Variants in NKD1 observed in about 807,000 individuals in gnomAD.
NKD1 encodes the protein protein naked cuticle homolog 1.
Under a neutral mutation model 56.0 loss-of-function variants are expected in NKD1, and 21 were observed. The observed-to-expected ratio is 0.38, with a 90% confidence interval of 0.27 to 0.54. The LOEUF (loss-of-function observed/expected upper bound fraction) is 0.54. Among genes scored for constraint, NKD1 ranks in the 20% least tolerant of loss-of-function variants. The pLI, the probability that NKD1 is intolerant of heterozygous loss-of-function variation, is 0.82. For missense variants in NKD1, 578 were observed against 642.7 expected, an observed-to-expected ratio of 0.90 and a Z score of 1.09; for synonymous variants, 263 against 265.7, an observed-to-expected ratio of 0.99 and a Z score of 0.10.
At chr16:50,564,142 T>A (rs904619912) in intron 3 of NKD1, among the ~76,000 whole-genome samples, 4 of 152,250 alleles carry the variant, frequency 2.6e-5, no homozygotes, top group African/African-American at 9.6e-5. Flanking sequence ...CCTTGTAACA[T>A]AGCTGTGTTC....
At chr16:50,549,877 A>C (rs910622319) in intron 3 of NKD1, among the ~76,000 whole-genome samples, 2 of 151,976 alleles carry the variant, frequency 1.3e-5, no homozygotes, top group Admixed American at 6.6e-5. Context: ...TTCTGCCACC[A>C]GCATTCAAAG....
intron 3 of NKD1, among the ~76,000 whole-genome samples, chr16:50,581,353 G>T (rs945633915): frequency 6.6e-6 from 1 of 152,162 alleles, no homozygotes; most frequent in Non-Finnish European, 1.5e-5. Flanking sequence ...TGGAGTTTTC[G>T]TATTACTCAG....
intron 3 of NKD1, chr16:50,557,837 G>A (rs1290731217): frequency 2.0e-5 from 3 of 152,272 alleles, no homozygotes; most frequent in Non-Finnish European, 4.4e-5. Context: ...TGGAGGTTGG[G>A]GAGGGTTTTT....
At chr16:50,549,618 A>G in intron 3 of NKD1, 63 bp downstream of exon 3, 2 of 1,445,084 alleles carry the variant, frequency 1.4e-6, no homozygotes, top group Non-Finnish European at 1.9e-6. Flanking sequence ...TGGGTCCCCA[A>G]ACCCATGCAC....
chr16:50,561,456 G>A lies in NKD1; in HGVS notation c.192+11901G>A, dbSNP rs998441490. Among the ~76,000 whole-genome samples, 13 of 152,046 alleles carry A rather than the reference G, an allele frequency of 8.6e-5. No homozygotes were observed. The South Asian group carries it at 2.5e-3, about 29-fold the overall frequency. On this transcript the variant is annotated intron_variant, in intron 3 of 9. Coordinates refer to ENST00000268459, the MANE Select transcript of NKD1 (RefSeq NM_033119.5). ...CACTTTGTGACTTGCTTAAGAGTATGCACTTTGGACCAAGCCTGGGAGGGT... is the reference window on the plus strand; with the variant it reads ...CACTTTGTGACTTGCTTAAGAGTATACACTTTGGACCAAGCCTGGGAGGGT...
intron 3 of NKD1, among the ~76,000 whole-genome samples, chr16:50,561,264 G>A (rs1022361936): frequency 1.3e-5 from 2 of 152,076 alleles, no homozygotes; most frequent in Non-Finnish European, 2.9e-5. Context: ...ACAATGCTGC[G>A]CTGGGAACCC....
chr16:50,647,397 A>G lies in NKD1; in HGVS notation c.*13616A>G, dbSNP rs1347894743. On this transcript the variant is annotated 3_prime_UTR_variant, in exon 10 of 10. Coordinates refer to ENST00000268459, the MANE Select transcript of NKD1 (RefSeq NM_033119.5). ...GGGTCCTTGGGAATGATGTTGAGCA[A>G]GCACTTATACATGACCTGGCAGCCA... The G allele has an allele frequency of 6.6e-6, 1 of 152,250 alleles. No homozygotes were observed. Among genetic ancestry groups the G allele is most frequent in the Non-Finnish European group, 1.5e-5 (1 of 68,056 alleles). 9.4% of individuals were successfully genotyped at this position (152,250 alleles called of 1,614,324 possible).
intron 3 of NKD1, among the ~76,000 whole-genome samples, chr16:50,582,565 A>G (rs1478439776): frequency 1.3e-5 from 2 of 152,210 alleles, no homozygotes; most frequent in African/African-American, 4.8e-5. Context: ...GTGACACAGC[A>G]GGGATTCTGG....
chr16:50,641,933 A>G lies in NKD1; in HGVS notation c.*8152A>G, dbSNP rs1962587200. ...CCAGCACTCCTTAAACAGCCAAGACAGGTGGAAAGCCCCAACTCAAAAGAC... is the reference window on the plus strand; with the variant it reads ...CCAGCACTCCTTAAACAGCCAAGACGGGTGGAAAGCCCCAACTCAAAAGAC... On this transcript the variant is annotated 3_prime_UTR_variant, in exon 10 of 10. Transcript: ENST00000268459. 6.6e-6 allele frequency: 1 copy of G among 152,242 alleles called. No individual in the cohort carries two copies. The highest frequency in any genetic ancestry group is 1.9e-4 in the East Asian group (1 of 5,192). 9.4% of individuals were successfully genotyped at this position (152,242 alleles called of 1,614,324 possible).
chr16:50,572,430 C>A lies in NKD1; in HGVS notation c.192+22875C>A, dbSNP rs144438469. 3.3e-5 allele frequency among the ~76,000 whole-genome samples: 5 copies of A among 152,312 alleles called. No homozygotes were observed. The East Asian group carries it at 9.7e-4, about 29-fold the overall frequency. ...CTTTGCTGTGTGCTTTGGACAAGTTCTTTCAATCTCTGAGCTTCAGCTATC... is the reference window on the plus strand; with the variant it reads ...CTTTGCTGTGTGCTTTGGACAAGTTATTTCAATCTCTGAGCTTCAGCTATC... On this transcript the variant is annotated intron_variant, in intron 3 of 9. Transcript: ENST00000268459.
intron 3 of NKD1, chr16:50,571,089 G>A (rs1475559297): frequency 6.6e-6 from 5 of 762,788 alleles, no homozygotes; most frequent in Non-Finnish European, 8.0e-6. Context: ...GAGCTGAGAG[G>A]AAAGTGGAGG....
intron 4 of NKD1, among the ~76,000 whole-genome samples, chr16:50,610,474 C>CTGG (rs916266657): frequency 4.4e-4 from 67 of 152,332 alleles, no homozygotes; most frequent in African/African-American, 1.6e-3. Context: ...GTGGCCAGGT[C>CTGG]TGGTGAGAGC....
chr16:50,561,616 G>A (rs1409461861), intron 3 of NKD1, among the ~76,000 whole-genome samples: 1 of 152,132 alleles, frequency 6.6e-6, no homozygotes, highest in African/African-American at 2.4e-5. Flanking sequence ...GAGTAGCTTG[G>A]GCTTCCTCAC....
intron 5 of NKD1, among the ~76,000 whole-genome samples, chr16:50,622,040 G>C (rs565852037): frequency 6.6e-6 from 1 of 152,188 alleles, no homozygotes; most frequent in Admixed American, 6.5e-5. Context: ...CAGTTTCCTC[G>C]GTGAAACCTT....
intron 3 of NKD1, among the ~76,000 whole-genome samples, chr16:50,600,466 A>C (rs1285197063): frequency 1.3e-5 from 2 of 152,040 alleles, no homozygotes; most frequent in African/African-American, 4.8e-5. Context: ...CCCATCTAAG[A>C]ACCAAACCAA....
intron 3 of NKD1, chr16:50,556,750 T>TA (rs1399076293): frequency 6.7e-6 from 1 of 149,924 alleles, no homozygotes; most frequent in East Asian, 1.9e-4. Flanking sequence ...TTTTTTTTTT[T>TA]AAATTTAGAG....
At chr16:50,549,028 A>G (rs1279016090) in intron 2 of NKD1, 3 of 447,478 alleles carry the variant, frequency 6.7e-6, no homozygotes, top group Non-Finnish European at 7.8e-6. Flanking sequence ...TCAGACCCCC[A>G]AGCGCCTCCC....
In NKD1 at chr16:50,552,178, G is replaced by A. The variant is rs564989770; in HGVS notation, c.192+2623G>A. 2.6e-5 allele frequency: 4 copies of A among 152,312 alleles called. No homozygotes were observed. In the South Asian group the frequency reaches 8.3e-4, roughly 32 times the overall value. The allele number at this position is 152,312 out of a possible 1,614,324, so 9.4% of individuals were successfully genotyped here. A position where few individuals can be genotyped will look rare whatever the true frequency, so the allele number is the denominator to read the frequency against. ...AGTGGCTCATCCAACTAGTATTATT[G>A]TTATTGCAATGATAACTAGTATTTA... On this transcript the variant is annotated intron_variant, in intron 3 of 9. Transcript: ENST00000268459.
intron 3 of NKD1, among the ~76,000 whole-genome samples, chr16:50,597,253 GA>G (rs1176052240): frequency 2.0e-5 from 3 of 152,064 alleles, no homozygotes; most frequent in Non-Finnish European, 4.4e-5. Context: ...TGGCCAGAGT[GA>G]AGGAAGCAGG....
Sources: allele counts gnomAD v4.1 joint callset (sites outside exome capture counted in the v4.1 genomes callset), GRCh38; gene constraint gnomAD v4.1.1; transcripts MANE v1.5; gene names NCBI Gene and HGNC (gene_info 2026-07-23, HGNC 2026-07-21).